Variants in ESR2 observed in about 807,000 individuals in gnomAD.
ESR2 encodes estrogen receptor beta.
A neutral mutation model predicts 49.6 loss-of-function variants in ESR2; 36 were observed. That is an observed-to-expected ratio of 0.73 (90% CI 0.56 to 0.96). ESR2 has a LOEUF of 0.96. ESR2 is among the 40% of genes least tolerant of loss of function. ESR2 has a pLI of 0.00. For synonymous variants in ESR2, 320 were observed against 266.1 expected (o/e 1.20, Z -1.97); for missense variants, 714 against 693.0 (o/e 1.03, Z -0.34).
chr14:64,257,425 T>C, intron 5 of ESR2, 61 bp from the exon 6 acceptor site: 1 of 1,591,552 alleles, frequency 6.3e-7, no homozygotes, highest in South Asian at 1.1e-5. Context: ...CCTGTGTGTG[T>C]AGAGACAGAA....
At chr14:64,277,182 T>C (rs1053852107) in intron 3 of ESR2, among the ~76,000 whole-genome samples, 1 of 152,128 alleles carries the variant, frequency 6.6e-6, no homozygotes, top group Admixed American at 6.6e-5. Context: ...TGGCAACTCA[T>C]TGTGTGAAGA....
chr14:64,289,412 T>C (rs755810699), intron 1 of ESR2, among the ~76,000 whole-genome samples: 5 of 152,022 alleles, frequency 3.3e-5, no homozygotes, highest in South Asian at 4.2e-4. Context: ...CTCGGGAGGA[T>C]GAGGCAGGAC....
At chr14:64,236,945 G>C (rs749895356) in intron 7 of ESR2, among the ~76,000 whole-genome samples, 30 of 149,206 alleles carry the variant, frequency 2.0e-4, no homozygotes, top group Non-Finnish European at 3.0e-4. Flanking sequence ...TGAGTGCTTT[G>C]AGGGCACAGA....
chr14:64,256,181 G>A (rs753312721), intron 6 of ESR2, among the ~76,000 whole-genome samples: 3 of 152,162 alleles, frequency 2.0e-5, no homozygotes, highest in Admixed American at 6.5e-5. Flanking sequence ...CGAACTGCTC[G>A]AATTTACACC....
chr14:64,276,361 T>C (rs913270454), intron 3 of ESR2, among the ~76,000 whole-genome samples: 1 of 152,216 alleles, frequency 6.6e-6, no homozygotes, highest in East Asian at 1.9e-4. Context: ...GATAGATTTA[T>C]GAGAAAACAT....
intron 1 of ESR2, among the ~76,000 whole-genome samples, chr14:64,332,744 G>A (rs1233018071): frequency 1.4e-5 from 2 of 147,838 alleles, no homozygotes; most frequent in Admixed American, 6.8e-5. Context: ...AGCTTGCAGT[G>A]AGCGGAGATC....
At position 64,282,939 on chromosome 14, in the gene ESR2, T is replaced by G; in HGVS notation, c.47A>C (p.Tyr16Ser). Reference protein sequence around the residue: ...SPSSLNSPSSYNCSQSILPLE... With the variant: ...SPSSLNSPSSSNCSQSILPLE... ...GGGTAAGATGGATTGACTGCAGTTG[T>G]AGGAGGAAGGAGAATTAAGGCTAGA... Residue 16 changes from tyrosine (Y) to serine (S), a missense_variant, in exon 2 of 9, where the codon TAC becomes TCC. Coordinates refer to ENST00000341099, the MANE Select transcript of ESR2 (RefSeq NM_001437.3). 6.2e-7 allele frequency: 1 copy of G among 1,614,020 alleles called. No homozygotes were observed. The highest frequency in any genetic ancestry group is 1.7e-4 in the Middle Eastern group (1 of 6,060).
At chr14:64,336,805 T>G (rs1408260094) in intron 1 of ESR2, 1 of 152,180 alleles carries the variant, frequency 6.6e-6, no homozygotes, top group Non-Finnish European at 1.5e-5. Flanking sequence ...TCACCTTATT[T>G]CAATTCAGTA....
intron 3 of ESR2, among the ~76,000 whole-genome samples, chr14:64,271,936 G>T (rs2076454962): frequency 6.6e-6 from 1 of 152,222 alleles, no homozygotes; most frequent in Admixed American, 6.5e-5. Context: ...GGGATTGCTG[G>T]ATCATATGGT....
At chr14:64,278,140 G>A (rs1037725409) in intron 3 of ESR2, among the ~76,000 whole-genome samples, 1 of 152,164 alleles carries the variant, frequency 6.6e-6, no homozygotes, top group Non-Finnish European at 1.5e-5. Flanking sequence ...TTATCATATA[G>A]CCAGGAAATG....
chr14:64,315,889 G>A (rs966706689), intron 1 of ESR2, among the ~76,000 whole-genome samples: 3 of 152,106 alleles, frequency 2.0e-5, no homozygotes, highest in African/African-American at 4.8e-5. Context: ...TCTTGACCTC[G>A]TGATCCACCC....
chr14:64,261,307 G>T lies in ESR2; in HGVS notation c.653-559C>A, dbSNP rs2076220321. Reference sequence around the variant, plus strand: ...GACTGGAGTGCAGTGGTGTGATCTCGGCTCACTGCAAGCTCCGCCTACCGG... The same window carrying T: ...GACTGGAGTGCAGTGGTGTGATCTCTGCTCACTGCAAGCTCCGCCTACCGG... On this transcript the variant is annotated intron_variant, in intron 4 of 8. Transcript: ENST00000341099. Among the ~76,000 whole-genome samples, 2 of 130,866 alleles carry T rather than the reference G, an allele frequency of 1.5e-5. 1 individual carries two copies. The highest frequency in any genetic ancestry group is 4.6e-4 in the South Asian group (2 of 4,302). The allele number at this position is 130,866 out of a possible 152,430, so 85.9% of individuals were successfully genotyped here.
intron 7 of ESR2, among the ~76,000 whole-genome samples, chr14:64,244,278 T>C (rs190076794): frequency 7.2e-4 from 109 of 151,984 alleles, no homozygotes; most frequent in African/African-American, 2.6e-3. Context: ...CAGATGCCTG[T>C]AATCTCAGCT....
chr14:64,270,840 T>A (rs2140771725), intron 3 of ESR2, among the ~76,000 whole-genome samples: 2 of 152,212 alleles, frequency 1.3e-5, no homozygotes, highest in South Asian at 2.1e-4. Context: ...TAATTGTAAC[T>A]CCAATATTGA....
chr14:64,230,548 T>G lies in ESR2; in HGVS notation c.*2589A>C, dbSNP rs1157119951. On this transcript the variant is annotated 3_prime_UTR_variant, in exon 9 of 9. Coordinates refer to ENST00000341099, the MANE Select transcript of ESR2 (RefSeq NM_001437.3). The stretch of plus-strand genomic sequence containing the variant: ...GATTTTGCACTATTTTTAATGCAGT[T>G]GAGTCTTCAGATTTGTGACTAGGCT... 1.3e-5 allele frequency among the ~76,000 whole-genome samples: 2 copies of G among 152,110 alleles called. No homozygotes were observed. The highest frequency in any genetic ancestry group is 4.8e-5 in the African/African-American group (2 of 41,404).
At chr14:64,337,723 C>T (rs2077548824) in intron 1 of ESR2, among the ~76,000 whole-genome samples, 1 of 152,100 alleles carries the variant, frequency 6.6e-6, no homozygotes, top group Non-Finnish European at 1.5e-5. Context: ...TGTGGGACTA[C>T]TATAAAATAT....
At chr14:64,280,235 A>G (rs1481833483) in intron 2 of ESR2, 82 bp from the exon 3 acceptor site, 8 of 969,872 alleles carry the variant, frequency 8.2e-6, no homozygotes, top group Non-Finnish European at 8.0e-6. Flanking sequence ...TAGCATGAAC[A>G]TTGCCTAATT....
intron 1 of ESR2, among the ~76,000 whole-genome samples, chr14:64,288,986 CAA>C (rs35178946): frequency 0.11 from 6,039 of 55,480 alleles, 252 homozygotes; most frequent in African/African-American, 0.22. Flanking sequence ...AACTCTGTCT[CAA>C]AAAAAAAAAA....
intron 1 of ESR2, among the ~76,000 whole-genome samples, chr14:64,315,771 C>T (rs1259697963): frequency 1.3e-5 from 2 of 152,002 alleles, no homozygotes; most frequent in Non-Finnish European, 2.9e-5. Context: ...TCTCCTTCCT[C>T]AGCCTCCTGA....
Sources: gnomAD v4.1 joint callset for allele counts (sites outside exome capture counted in the v4.1 genomes callset) on GRCh38, gnomAD v4.1.1 for gene constraint, MANE v1.5 for transcripts, NCBI Gene and HGNC (gene_info 2026-07-23, HGNC 2026-07-21) for gene names.